The following LNX1 variants were observed in gnomAD, a reference collection of about 807,000 sequenced individuals.
LNX1 encodes the protein ligand of numb-protein X 1.
A neutral mutation model predicts 68.4 loss-of-function variants in LNX1; 54 were observed. The ratio of observed to expected loss-of-function variants is 0.79; its 90% confidence interval spans 0.63 to 0.99. The LOEUF (loss-of-function observed/expected upper bound fraction) is 0.99, where lower values mean the gene tolerates loss of function less well. LNX1 is among the 50% of genes least tolerant of loss of function. The pLI is 0.00. For synonymous variants in LNX1, 336 were observed against 350.0 expected (o/e 0.96, Z 0.45); for missense variants, 906 against 926.4 (o/e 0.98, Z 0.29).
At chr4:53,598,539 G>C (rs1212213560) in intron 2 of LNX1, among the ~76,000 whole-genome samples, 1 of 152,278 alleles carries the variant, frequency 6.6e-6, no homozygotes, top group Non-Finnish European at 1.5e-5. Context: ...GGCCCTGACT[G>C]TAATTTTTAA....
rs1733689092 is a variant in LNX1 at position 53,616,580 on chromosome 4, C to T, written c.-278G>A. ...TTCCACGTAGATAGTTTTCAAGGGT[C>T]CCAGCCTGGAGGAAGAGAATATCTT... is the stretch of plus-strand genomic sequence containing the variant. On this transcript the variant is annotated 5_prime_UTR_variant, in exon 2 of 4. Transcript: ENST00000504299. The T allele has an allele frequency of 2.0e-5, 3 of 152,162 alleles. No individual in the cohort carries two copies. The South Asian group carries it at 6.2e-4, about 32-fold the overall frequency. The allele number at this position is 152,162 out of a possible 1,614,324, so 9.4% of individuals were successfully genotyped here.
chr4:53,582,784 T>C (rs1731919067), intron 1 of LNX1, among the ~76,000 whole-genome samples: 1 of 152,164 alleles, frequency 6.6e-6, no homozygotes, highest in African/African-American at 2.4e-5. Context: ...AATGGTTGCT[T>C]AGTTTCAAAC....
intron 2 of LNX1, among the ~76,000 whole-genome samples, chr4:53,602,674 G>A (rs1046547879): frequency 2.6e-5 from 4 of 152,164 alleles, no homozygotes; most frequent in Non-Finnish European, 5.9e-5. Flanking sequence ...GAGTCCACAG[G>A]ACCCAAGTCA....
chr4:53,622,217 C>G (rs1733907619), upstream of LNX1, among the ~76,000 whole-genome samples: 2 of 152,154 alleles, frequency 1.3e-5, no homozygotes, highest in African/African-American at 2.4e-5. Context: ...GTACGTATGT[C>G]ATATGCCAGG....
At chr4:53,615,867 G>T (rs759793728) in intron 2 of LNX1, among the ~76,000 whole-genome samples, 22 of 152,076 alleles carry the variant, frequency 1.4e-4, no homozygotes, top group Non-Finnish European at 3.2e-4. Flanking sequence ...GGAGAATGGG[G>T]TATCCATCCC....
At chr4:53,563,439 T>C (rs1730418280) in intron 2 of LNX1, among the ~76,000 whole-genome samples, 2 of 152,132 alleles carry the variant, frequency 1.3e-5, no homozygotes, top group South Asian at 4.1e-4. Flanking sequence ...TTCTTCTTAA[T>C]ATCCCTCCTA....
intron 1 of LNX1, among the ~76,000 whole-genome samples, chr4:53,628,758 A>G (rs1439813271): frequency 6.6e-6 from 1 of 151,986 alleles, no homozygotes; most frequent in Non-Finnish European, 1.5e-5. Flanking sequence ...GGATTTAAAA[A>G]CCGTGGTACA....
Position 53,481,743 on chromosome 4 carries a change from C to A in LNX1, c.1462G>T (p.Gly488Trp), listed in dbSNP as rs1447416576. 6.2e-7 allele frequency: 1 copy of A among 1,613,860 alleles called. No individual in the cohort carries two copies. ...ACCTTGGGAGTGTTGCTCCTCTCCC[C>A]TGGCCCTGGGGACCAGCTGCCATTG... is the stretch of plus-strand genomic sequence containing the variant. ...NSNGSWSPGP[G>W]ERSNTPKPLH... is the part of the protein sequence containing the mutation. The change falls in exon 7 of 11, where the codon GGG (glycine) becomes TGG (tryptophan). Residue 488 changes from glycine (G) to tryptophan (W), a missense_variant. Coordinates refer to ENST00000263925, the MANE Select transcript of LNX1 (RefSeq NM_001126328.3).
chr4:53,637,135 C>A (rs927071016), intron 1 of LNX1, among the ~76,000 whole-genome samples: 23 of 151,566 alleles, frequency 1.5e-4, no homozygotes, highest in African/African-American at 5.1e-4. Flanking sequence ...TTTGCACTGG[C>A]AAAAAAAATC....
chr4:53,619,033 G>T (rs1056942744), upstream of LNX1, among the ~76,000 whole-genome samples: 1 of 152,088 alleles, frequency 6.6e-6, no homozygotes, highest in African/African-American at 2.4e-5. Flanking sequence ...TTACAGGTGT[G>T]AGCCACTGCA....
chr4:53,540,046 T>C (rs1346939268), intron 2 of LNX1, among the ~76,000 whole-genome samples: 1 of 152,176 alleles, frequency 6.6e-6, no homozygotes, highest in Non-Finnish European at 1.5e-5. Flanking sequence ...TCTAGTGCTA[T>C]CTGAATAAAA....
Position 53,581,851 on chromosome 4 carries a change from T to G in LNX1, c.-86-7763A>C, listed in dbSNP as rs188103973. Among the ~76,000 whole-genome samples, 348 of 152,340 alleles carry G rather than the reference T, an allele frequency of 2.3e-3. 2 individuals carry two copies. Among genetic ancestry groups the G allele is most frequent in the Non-Finnish European group, 2.8e-3 (189 of 68,028 alleles). ...GGAAATTGCCATGTTTGATCATTTC[T>G]CTTAACTAAGTGATGATCTTAAACA... On this transcript the variant is annotated intron_variant, in intron 1 of 10. Coordinates refer to ENST00000263925, the MANE Select transcript of LNX1 (RefSeq NM_001126328.3).
At chr4:53,517,779 G>C (rs1726893972) in intron 2 of LNX1, among the ~76,000 whole-genome samples, 1 of 137,454 alleles carries the variant, frequency 7.3e-6, no homozygotes, top group South Asian at 2.3e-4. Flanking sequence ...AACTGCACAT[G>C]GAAAAAAGTT....
chr4:53,622,976 C>G (rs1475213267), intron 1 of LNX1, among the ~76,000 whole-genome samples: 1 of 152,090 alleles, frequency 6.6e-6, no homozygotes, highest in Admixed American at 6.6e-5. Flanking sequence ...AAGGTGGAAA[C>G]AGTTTGTCTT....
At chr4:53,471,952 G>T (rs1445442560) in intron 9 of LNX1, among the ~76,000 whole-genome samples, 1 of 152,066 alleles carries the variant, frequency 6.6e-6, no homozygotes, top group East Asian at 1.9e-4. Context: ...ATCTAGAACT[G>T]GAAATACCAT....
At chr4:53,610,232 T>C (rs1733426730) in intron 2 of LNX1, among the ~76,000 whole-genome samples, 1 of 152,126 alleles carries the variant, frequency 6.6e-6, no homozygotes, top group African/African-American at 2.4e-5. Flanking sequence ...TATCTGATCA[T>C]AATTCAATAA....
chr4:53,550,369 CTCCT>C (rs1729416984), intron 2 of LNX1, among the ~76,000 whole-genome samples: 1 of 152,198 alleles, frequency 6.6e-6, no homozygotes, highest in African/African-American at 2.4e-5. Flanking sequence ...TAAACTCTAC[CTCCT>C]TCCTTCCAGG....
intron 2 of LNX1, chr4:53,558,328 T>G: frequency 2.8e-6 from 3 of 1,053,310 alleles, no homozygotes; most frequent in Non-Finnish European, 3.5e-6. Context: ...GCAGACAGGC[T>G]GGGAGTTAAA....
At chr4:53,511,616 G>A (rs1280501399) in intron 2 of LNX1, among the ~76,000 whole-genome samples, 1 of 152,156 alleles carries the variant, frequency 6.6e-6, no homozygotes, top group Non-Finnish European at 1.5e-5. Flanking sequence ...GTGAGTAGAG[G>A]TAAATCTGTC....
Sources: allele counts gnomAD v4.1 joint callset (sites outside exome capture counted in the v4.1 genomes callset), GRCh38; gene constraint gnomAD v4.1.1; transcripts MANE v1.5; gene names NCBI Gene and HGNC (gene_info 2026-07-23, HGNC 2026-07-21).